The following SLMAP variants were observed in gnomAD, a reference collection of about 807,000 sequenced individuals.
SLMAP encodes the protein sarcolemma associated protein, also known as sarcolemmal membrane-associated protein.
In SLMAP, 44 loss-of-function variants were observed where a neutral mutation model predicts 128.8. The observed-to-expected ratio is 0.34, with a 90% CI of 0.27 to 0.44. The LOEUF (loss-of-function observed/expected upper bound fraction) is 0.44. Among genes scored for constraint, SLMAP ranks in the 20% least tolerant of loss-of-function variants. The probability of loss-of-function intolerance (pLI) is 1.00; values close to 1 mark genes in which losing one functional copy is unlikely to be tolerated. For synonymous variants in SLMAP, 327 were observed against 348.8 expected (o/e 0.94, Z 0.70); for missense variants, 787 against 985.3 (o/e 0.80, Z 2.69).
chr3:57,899,326 G>T, intron 17 of SLMAP: 1 of 152,364 alleles, frequency 6.6e-6, no homozygotes, highest in Non-Finnish European at 1.5e-5. Flanking sequence ...AATACAAGAT[G>T]CATGTGGAGC....
intron 2 of SLMAP, among the ~76,000 whole-genome samples, chr3:57,786,521 G>A (rs545383539): frequency 6.0e-5 from 9 of 148,770 alleles, no homozygotes; most frequent in South Asian, 2.1e-4. Flanking sequence ...ACTCAGCTTC[G>A]TTCCCAACTT....
At position 57,867,377 on chromosome 3, in the gene SLMAP, C is replaced by G. The variant is rs569191828; in HGVS notation, c.1237+2085C>G. ...CATTTTTTTCCAGTTCCAGTTGGTT[C>G]AGATGAAAATAATAGTAGACTGTTT... On this transcript the variant is annotated intron_variant, in intron 13 of 24. Coordinates refer to ENST00000671191, the MANE Select transcript of SLMAP (RefSeq NM_001377540.1). Among the ~76,000 whole-genome samples, 5 of 152,170 alleles carry G rather than the reference C, an allele frequency of 3.3e-5. No homozygotes were observed. The South Asian group carries it at 1.0e-3, about 32-fold the overall frequency.
intron 3 of SLMAP, among the ~76,000 whole-genome samples, chr3:57,840,322 T>C (rs569921225): frequency 6.6e-6 from 1 of 152,356 alleles, no homozygotes; most frequent in South Asian, 2.1e-4. Context: ...ATTTTACATG[T>C]ACAATTCAGT....
Position 57,927,323 on chromosome 3 carries a change from G to T in SLMAP, c.*34G>T. ...ACCCTGGCCCTGGATGCCCATGTTG[G>T]CTGCCCTGGTTGCAGTAACAGCCAT... is the stretch of plus-strand genomic sequence containing the variant. On this transcript the variant is annotated 3_prime_UTR_variant, in exon 25 of 25. Coordinates refer to ENST00000671191, the MANE Select transcript of SLMAP (RefSeq NM_001377540.1). The T allele has an allele frequency of 6.2e-7, 1 of 1,606,978 alleles. No homozygotes were observed. Among genetic ancestry groups the T allele is most frequent in the South Asian group, 1.1e-5 (1 of 89,954 alleles).
intron 2 of SLMAP, among the ~76,000 whole-genome samples, chr3:57,799,028 C>T (rs1003275984): frequency 1.3e-5 from 2 of 152,126 alleles, no homozygotes; most frequent in Non-Finnish European, 2.9e-5. Flanking sequence ...TTCAGAAGCT[C>T]TCCCCATCTC....
At chr3:57,898,542 T>C (rs1368990969) in intron 17 of SLMAP, 1 of 152,230 alleles carries the variant, frequency 6.6e-6, no homozygotes, top group Admixed American at 6.5e-5. Context: ...ATCTTTTCAA[T>C]AGCCAACTTA....
intron 13 of SLMAP, among the ~76,000 whole-genome samples, chr3:57,870,740 A>G (rs1039443669): frequency 1.3e-5 from 2 of 152,182 alleles, no homozygotes; most frequent in African/African-American, 4.8e-5. Context: ...GTGCCAACTC[A>G]TGTGTCCCCT....
intron 14 of SLMAP, among the ~76,000 whole-genome samples, chr3:57,878,492 A>G (rs1471624402): frequency 6.6e-6 from 1 of 152,170 alleles, no homozygotes; most frequent in African/African-American, 2.4e-5. Flanking sequence ...TTAGAATTCA[A>G]TCAGAGGGAT....
intron 2 of SLMAP, among the ~76,000 whole-genome samples, chr3:57,812,782 T>TTAATTCC (rs2091216157): frequency 6.6e-6 from 1 of 152,236 alleles, no homozygotes; most frequent in East Asian, 1.9e-4. Context: ...TTTGGCTAAG[T>TTAATTCC]TAATTCCTAA....
chr3:57,807,921 G>A (rs2090200815), intron 2 of SLMAP, among the ~76,000 whole-genome samples: 1 of 152,166 alleles, frequency 6.6e-6, no homozygotes. Flanking sequence ...TGTTGGATAG[G>A]CTGTTAATTA....
At chr3:57,824,675 G>A (rs1388943941) in intron 2 of SLMAP, among the ~76,000 whole-genome samples, 1 of 152,142 alleles carries the variant, frequency 6.6e-6, no homozygotes, top group East Asian at 1.9e-4. Context: ...TTTGAATTCA[G>A]GAAATATGCA....
chr3:57,840,194 TC>T (rs1314248950), intron 3 of SLMAP, among the ~76,000 whole-genome samples: 1 of 152,218 alleles, frequency 6.6e-6, no homozygotes, highest in African/African-American at 2.4e-5. Flanking sequence ...CCTCAGGTGA[TC>T]CATCCACTTT....
chr3:57,921,182 A>AGT, intron 22 of SLMAP, among the ~76,000 whole-genome samples: 1 of 152,202 alleles, frequency 6.6e-6, no homozygotes, highest in East Asian at 1.9e-4. Context: ...CACCATTTAA[A>AGT]GTAGGGGTAA....
chr3:57,775,660 A>C (rs2081771702), intron 2 of SLMAP, among the ~76,000 whole-genome samples: 1 of 151,876 alleles, frequency 6.6e-6, no homozygotes, highest in Non-Finnish European at 1.5e-5. Flanking sequence ...ACTGCACTCC[A>C]GCCTGGGAGA....
intron 21 of SLMAP, among the ~76,000 whole-genome samples, chr3:57,913,596 C>T (rs1217930928): frequency 6.6e-6 from 1 of 152,156 alleles, no homozygotes; most frequent in Non-Finnish European, 1.5e-5. Flanking sequence ...TTTCAAATAT[C>T]AACTGCTTTT....
At chr3:57,767,131 C>T (rs2153437637) in intron 2 of SLMAP, among the ~76,000 whole-genome samples, 1 of 152,140 alleles carries the variant, frequency 6.6e-6, no homozygotes, top group Non-Finnish European at 1.5e-5. Flanking sequence ...GTTGCCCAGG[C>T]TGATCTCGAA....
In SLMAP at chr3:57,861,985, C is replaced by T. The variant is rs2095089672; in HGVS notation, c.865C>T (p.Leu289=). 6.2e-7 allele frequency: 1 copy of T among 1,611,746 alleles called. No homozygotes were observed. The highest frequency in any genetic ancestry group is 1.3e-5 in the African/African-American group (1 of 74,782). The stretch of plus-strand genomic sequence containing the variant: ...TAATACTGAAGATGAATGTACCCAT[C>T]TGAAAGAAATGAATGAAAGGACTCA... ...LSNTEDECTH[L]KEMNERTQEE... Residue 289 remains leucine, a synonymous_variant, in exon 10 of 25, where the codon CTG becomes TTG. Coordinates refer to ENST00000671191, the MANE Select transcript of SLMAP (RefSeq NM_001377540.1).
intron 2 of SLMAP, among the ~76,000 whole-genome samples, chr3:57,804,210 T>A (rs1180689237): frequency 6.6e-6 from 1 of 152,222 alleles, no homozygotes; most frequent in Non-Finnish European, 1.5e-5. Flanking sequence ...TATTTCCATT[T>A]CTGATACACT....
At chr3:57,813,282 G>C (rs992359121) in intron 2 of SLMAP, among the ~76,000 whole-genome samples, 3 of 152,090 alleles carry the variant, frequency 2.0e-5, no homozygotes, top group Admixed American at 2.0e-4. Flanking sequence ...TTTTGGTAGA[G>C]ATGGGGTTTC....
Sources: allele counts gnomAD v4.1 joint callset (sites outside exome capture counted in the v4.1 genomes callset), GRCh38; gene constraint gnomAD v4.1.1; transcripts MANE v1.5; gene names NCBI Gene and HGNC (gene_info 2026-07-23, HGNC 2026-07-21).